The following LYPD4 variants were observed in gnomAD, a reference collection of about 807,000 sequenced individuals.
LYPD4 encodes ly6/PLAUR domain-containing protein 4.
A neutral mutation model predicts 18.2 loss-of-function variants in LYPD4; 20 were observed. That is an observed-to-expected ratio of 1.10 (90% confidence interval 0.77 to 1.59). The LOEUF is 1.59. Ranked by LOEUF, LYPD4 falls within the 40% of genes most tolerant of loss-of-function variation. The pLI is 0.00. For missense variants in LYPD4, 278 were observed against 300.3 expected (o/e 0.93, Z 0.55); for synonymous variants, 111 against 118.3 (o/e 0.94, Z 0.40).
intron 3 of LYPD4, among the ~76,000 whole-genome samples, chr19:41,838,475 C>T (rs2073453308): frequency 6.6e-6 from 1 of 152,090 alleles, no homozygotes; most frequent in African/African-American, 2.4e-5. Flanking sequence ...CTCCCCCAGC[C>T]CCCACTCCTC....
rs139681857 is a variant in LYPD4, at chr19:41,838,764, T to C, written c.211+117A>G. 3.4e-4 allele frequency: 186 copies of C among 552,552 alleles called. 5 individuals carry two copies. In the East Asian group the frequency reaches 9.1e-3, roughly 27 times the overall value. The allele number at this position is 552,552 out of a possible 1,614,324, so 34.2% of individuals were successfully genotyped here. ...ATTAAAAAAAATATATATACATATA[T>C]ATATATATGTATAGTAACTATGTGG... On this transcript the variant is annotated intron_variant, in intron 3 of 4. Transcript: ENST00000609812.
chr19:41,842,851 A>G (rs2073656130), intron 1 of LYPD4, among the ~76,000 whole-genome samples: 1 of 148,818 alleles, frequency 6.7e-6, no homozygotes, highest in Non-Finnish European at 1.5e-5. Flanking sequence ...GTAAAATCAC[A>G]GTGCTGATTA....
intron 3 of LYPD4, 150 bp downstream of exon 3, chr19:41,838,731 C>A (rs1600546694): frequency 1.0e-5 from 4 of 393,222 alleles, no homozygotes; most frequent in Middle Eastern, 1.0e-3. Flanking sequence ...CTCCCCATCT[C>A]AAAAAAAATT....
At chr19:41,836,712 A>G (rs574855420), downstream of LYPD4, among the ~76,000 whole-genome samples, 3 of 151,658 alleles carry the variant, frequency 2.0e-5, no homozygotes, top group East Asian at 5.8e-4. Flanking sequence ...ACCGGGCAAC[A>G]TAGTGAGACA....
intron 3 of LYPD4, among the ~76,000 whole-genome samples, 191 bp from the exon 4 acceptor site, chr19:41,838,452 T>C (rs1048729186): frequency 6.6e-6 from 1 of 151,952 alleles, no homozygotes. Flanking sequence ...TCCTCATTCT[T>C]CCACTGCAGG....
At chr19:41,841,494 T>C (rs2073588834) in intron 1 of LYPD4, among the ~76,000 whole-genome samples, 2 of 151,652 alleles carry the variant, frequency 1.3e-5, no homozygotes, top group African/African-American at 4.8e-5. Flanking sequence ...GGTGAAACAC[T>C]GTCTCTACTA....
chr19:41,842,764 C>CAAAAAAAAAAAAAA (rs782233081), intron 1 of LYPD4, among the ~76,000 whole-genome samples: 4 of 49,766 alleles, frequency 8.0e-5, no homozygotes, highest in Admixed American at 3.2e-4. Context: ...TCCGTCTAAA[C>CAAAAAAAAAAAAAA]AAAAAAAAAA....
rs782660896 is a variant in LYPD4, at chr19:41,837,306, C to T, written c.578G>A (p.Arg193His). ...ATCTGCTAAAAGCTGGTTATGTTCA[C>T]GAGCACACCCCATGAGGAGGAAGGT... ...NTTFLLMGCA[R>H]EHNQLLADFH... Residue 193 changes from arginine to histidine, a missense_variant, in exon 5 of 5, where the codon CGT becomes CAT. Physicochemically the swap from Arg to His is conservative, Grantham distance 29 (BLOSUM62 0). Coordinates refer to ENST00000609812, the MANE Select transcript of LYPD4 (RefSeq NM_173506.7). 1.3e-4 allele frequency: 210 copies of T among 1,613,862 alleles called. No individual in the cohort carries two copies. The highest frequency in any genetic ancestry group is 1.7e-4 in the Non-Finnish European group (196 of 1,179,938).
rs782233081 is a variant in LYPD4 at position 41,842,764 on chromosome 19, C to CAAA, written c.-121+811_-121+813dup. ...CAATAAGAGTGAAACTCCGTCTAAA[C>CAAA]AAAAAAAAAAAAAAAAAAAAAAAAA... On this transcript the variant is annotated intron_variant, in intron 1 of 4. Transcript: ENST00000609812. Among the ~76,000 whole-genome samples the CAAA allele has an allele frequency of 7.6e-4, 38 of 49,796 alleles. 6 individuals are homozygous for CAAA. Among genetic ancestry groups the CAAA allele is most frequent in the African/African-American group, 2.2e-3 (19 of 8,678 alleles). 32.7% of individuals were successfully genotyped at this position (49,796 alleles called of 152,430 possible). A position where few individuals can be genotyped will look rare whatever the true frequency, so the allele number is the denominator to read the frequency against.
chr19:41,835,321 A>G (rs1195644343), downstream of LYPD4: 4 of 152,194 alleles, frequency 2.6e-5, no homozygotes, highest in African/African-American at 4.8e-5. Flanking sequence ...TGTTACATAT[A>G]ATCCTTTGTA....
In LYPD4 at chr19:41,838,086, G is replaced by C. The variant is rs2073430414; in HGVS notation, c.387C>G (p.Ala129=). The part of the protein sequence containing the change: ...TNLEPFVKLK[A]STPKSITSAS... ...CAGATGTGATAGACTTAGGAGTGCTGGCCTTGAGTTTCACAAAAGGCTCCA... is the reference window on the plus strand; with the variant it reads ...CAGATGTGATAGACTTAGGAGTGCTCGCCTTGAGTTTCACAAAAGGCTCCA... Residue 129 remains alanine, a synonymous_variant, in exon 4 of 5, where the codon GCC becomes GCG. Coordinates refer to ENST00000609812, the MANE Select transcript of LYPD4 (RefSeq NM_173506.7). 6.2e-7 allele frequency: 1 copy of C among 1,613,976 alleles called. No individual in the cohort carries two copies.
intron 3 of LYPD4, 61 bp from the exon 4 acceptor site, chr19:41,838,322 C>G: frequency 7.2e-7 from 1 of 1,393,834 alleles, no homozygotes; most frequent in South Asian, 1.6e-5. Flanking sequence ...CAGAGTCCTC[C>G]CTCCCCCCAG....
Position 41,838,865 on chromosome 19 carries a change from A to G in LYPD4, c.211+16T>C. On this transcript the variant is annotated intron_variant, in intron 3 of 4. Transcript: ENST00000609812. ...GAGCAAGCAAAACGAAATTGATCAAACTTAGACTGCTTCACCTGTCTCAAT... is the reference window on the plus strand; with the variant it reads ...GAGCAAGCAAAACGAAATTGATCAAGCTTAGACTGCTTCACCTGTCTCAAT... The G allele has an allele frequency of 6.2e-7, 1 of 1,613,438 alleles. No individual in the cohort carries two copies. The highest frequency in any genetic ancestry group is 8.5e-7 in the Non-Finnish European group (1 of 1,179,870).
At chr19:41,843,066 A>C (rs1361812674) in intron 1 of LYPD4, among the ~76,000 whole-genome samples, 132 of 39,678 alleles carry the variant, frequency 3.3e-3, no homozygotes, top group Non-Finnish European at 5.4e-3. Context: ...AAAAAAAAAA[A>C]AAAAAAAAAA....
Position 41,838,907 on chromosome 19 carries a change from T to C in LYPD4, c.185A>G (p.Glu62Gly). The stretch of plus-strand genomic sequence containing the variant: ...TGTCTCAATGAACACTAGCGTCTCC[T>C]CGCAGCCCTCTTGCAGCTTACACAC... ...NMVCKLQEGC[E>G]ETLVFIETGT... Residue 62 changes from glutamate (E) to glycine (G), a missense_variant, in exon 3 of 5, where the codon GAG becomes GGG. Glu to Gly is a moderately conservative substitution (Grantham distance 98). Coordinates refer to ENST00000609812, the MANE Select transcript of LYPD4 (RefSeq NM_173506.7). 1 of 1,614,032 alleles carries C rather than the reference T, an allele frequency of 6.2e-7. No individual in the cohort carries two copies. The highest frequency in any genetic ancestry group is 1.3e-5 in the African/African-American group (1 of 75,014).
At position 41,838,260 on chromosome 19, in the gene LYPD4, C is replaced by T; in HGVS notation, c.213G>A (p.Gly71=). The T allele has an allele frequency of 3.3e-6, 5 of 1,522,154 alleles. No homozygotes were observed. The highest frequency in any genetic ancestry group is 2.3e-5 in the East Asian group (1 of 43,708). 94.3% of individuals were successfully genotyped at this position (1,522,154 alleles called of 1,614,324 possible). ...CEETLVFIET[G]TARGVVGFKG... is the part of the protein sequence containing the mutation. The stretch of plus-strand genomic sequence containing the variant: ...TAAAGCCCACGACTCCCCTTGCAGT[C>T]CCTGAGGAGCAGAGGATTGAGAGAG... The change falls in exon 4 of 5, where the codon GGG becomes GGA. Residue 71 remains glycine (G), a splice_region_variant and synonymous_variant. Coordinates refer to ENST00000609812, the MANE Select transcript of LYPD4 (RefSeq NM_173506.7).
intron 1 of LYPD4, among the ~76,000 whole-genome samples, chr19:41,840,730 T>G (rs1459528564): frequency 2.0e-5 from 3 of 151,720 alleles, no homozygotes; most frequent in African/African-American, 7.3e-5. Flanking sequence ...CTTGGGAGGC[T>G]GAGGCAGGAG....
Position 41,839,278 on chromosome 19 carries a change from G to A in LYPD4, c.8C>T (p.Pro3Leu), listed in dbSNP as rs782510265. The A allele has an allele frequency of 6.8e-6, 11 of 1,614,058 alleles. No individual in the cohort carries two copies. The highest frequency in any genetic ancestry group is 8.5e-6 in the Non-Finnish European group (10 of 1,180,032). Residue 3 changes from proline (P) to leucine (L), a missense_variant, in exon 2 of 5, where the codon CCC becomes CTC. Pro to Leu is a moderately conservative substitution (Grantham distance 98). Coordinates refer to ENST00000609812, the MANE Select transcript of LYPD4 (RefSeq NM_173506.7). ...CAGCTGCACAAGTCTCAAATGCTGG[G>A]GTCCCATGGCCCTGTGTCTGGGTCC... MG[P>L]QHLRLVQLFC...
At chr19:41,843,329 A>C (rs1324544126) in intron 1 of LYPD4, among the ~76,000 whole-genome samples, 3 of 152,116 alleles carry the variant, frequency 2.0e-5, no homozygotes, top group African/African-American at 7.2e-5. Flanking sequence ...CCTTCTTTAT[A>C]AAATGAAGTA....
Sources: allele counts gnomAD v4.1 joint callset (sites outside exome capture counted in the v4.1 genomes callset), GRCh38; gene constraint gnomAD v4.1.1; transcripts MANE v1.5; gene names NCBI Gene and HGNC (gene_info 2026-07-23, HGNC 2026-07-21).